ENTREP2: variants seen among roughly 807,000 people sequenced by gnomAD.
ENTREP2 encodes endosomal transmembrane epsin interactor 2, also known as protein ENTREP2.
the ENTREP2 span, among the ~76,000 whole-genome samples, chr15:29,501,437 A>C: frequency 6.6e-6 from 1 of 152,102 alleles, no homozygotes; most frequent in African/African-American, 2.4e-5. Flanking sequence ...CAATAGATGC[A>C]GAAAAAGTAT....
the ENTREP2 span, among the ~76,000 whole-genome samples, chr15:29,664,480 G>A: frequency 1.3e-5 from 2 of 149,392 alleles, no homozygotes; most frequent in Non-Finnish European, 3.0e-5. Flanking sequence ...CCTGCGCACT[G>A]CCTGATGTTC....
chr15:29,229,418 A>T, the ENTREP2 span, among the ~76,000 whole-genome samples: 2 of 152,134 alleles, frequency 1.3e-5, no homozygotes, highest in East Asian at 3.9e-4. Context: ...ACCTGACATT[A>T]TCTTTGCTCT....
the ENTREP2 span, chr15:29,136,360 C>A: frequency 4.0e-6 from 6 of 1,497,818 alleles, no homozygotes; most frequent in South Asian, 3.9e-5. Context: ...GGGCCCCAGG[C>A]CTCACCTGGC....
the ENTREP2 span, among the ~76,000 whole-genome samples, chr15:29,345,808 C>T: frequency 6.6e-6 from 1 of 152,106 alleles, no homozygotes; most frequent in East Asian, 1.9e-4. Flanking sequence ...CTTGAGGCCC[C>T]TCCTATCACC....
chr15:29,547,483 C>A, the ENTREP2 span, among the ~76,000 whole-genome samples: 1 of 152,132 alleles, frequency 6.6e-6, no homozygotes. Context: ...AAAAGATGTT[C>A]AACATCATTC....
At chr15:29,158,007 G>T in the ENTREP2 span, among the ~76,000 whole-genome samples, 1 of 152,136 alleles carries the variant, frequency 6.6e-6, no homozygotes, top group Non-Finnish European at 1.5e-5. Flanking sequence ...GTGAGCCACT[G>T]CTCCCGGCCA....
the ENTREP2 span, among the ~76,000 whole-genome samples, chr15:29,638,288 A>G: frequency 7.6e-4 from 116 of 152,344 alleles, 1 homozygote; most frequent in African/African-American, 2.8e-3. Flanking sequence ...TTTCCAGCCC[A>G]GTGATCCTTG....
At chr15:29,571,522 C>A in the ENTREP2 span, among the ~76,000 whole-genome samples, 1 of 152,084 alleles carries the variant, frequency 6.6e-6, no homozygotes, top group Non-Finnish European at 1.5e-5. Flanking sequence ...CCCAAGCCAT[C>A]CGCTGAGAGA....
the ENTREP2 span, among the ~76,000 whole-genome samples, chr15:29,411,627 C>T: frequency 6.6e-6 from 1 of 152,148 alleles, no homozygotes; most frequent in African/African-American, 2.4e-5. Context: ...TGTGTTTTTG[C>T]TTTCTTCGTG....
the ENTREP2 span, among the ~76,000 whole-genome samples, chr15:29,568,764 A>G: frequency 2.1e-4 from 32 of 152,288 alleles, no homozygotes; most frequent in African/African-American, 7.5e-4. Context: ...GAAGAGAATA[A>G]CACTGCAAAA....
the ENTREP2 span, among the ~76,000 whole-genome samples, chr15:29,519,293 G>C: frequency 2.6e-5 from 4 of 151,534 alleles, no homozygotes; most frequent in Admixed American, 6.6e-5. Context: ...GTTTGAACTG[G>C]GCGAGTCCAC....
At chr15:29,639,169 C>T in the ENTREP2 span, among the ~76,000 whole-genome samples, 2 of 152,204 alleles carry the variant, frequency 1.3e-5, no homozygotes, top group African/African-American at 4.8e-5. Context: ...CAGAGTCCCA[C>T]GGCTCTCTAA....
the ENTREP2 span, among the ~76,000 whole-genome samples, chr15:29,235,655 C>T: frequency 6.6e-6 from 1 of 152,240 alleles, no homozygotes; most frequent in South Asian, 2.1e-4. Context: ...AAGCTAATTC[C>T]TACCTCAGGA....
At chr15:29,639,346 T>TTGTC in the ENTREP2 span, among the ~76,000 whole-genome samples, 1 of 152,204 alleles carries the variant, frequency 6.6e-6, no homozygotes, top group African/African-American at 2.4e-5. Context: ...ATCTGTCGGT[T>TTGTC]TGTCTCTCTG....
chr15:29,434,291 G>C, the ENTREP2 span, among the ~76,000 whole-genome samples: 2 of 152,158 alleles, frequency 1.3e-5, no homozygotes, highest in African/African-American at 2.4e-5. Context: ...TCTGTAATAG[G>C]TCTGGTATTC....
the ENTREP2 span, among the ~76,000 whole-genome samples, chr15:29,383,558 G>A: frequency 6.6e-6 from 1 of 152,184 alleles, no homozygotes; most frequent in Non-Finnish European, 1.5e-5. Flanking sequence ...TCCGGGCACT[G>A]GCTGGAAGGG....
the ENTREP2 span, among the ~76,000 whole-genome samples, chr15:29,476,455 A>G: frequency 6.6e-6 from 1 of 152,132 alleles, no homozygotes; most frequent in Non-Finnish European, 1.5e-5. Context: ...CCAAACAGCT[A>G]CTCAGTGGCT....
the ENTREP2 span, among the ~76,000 whole-genome samples, chr15:29,165,814 C>G: frequency 6.6e-6 from 1 of 152,166 alleles, no homozygotes; most frequent in East Asian, 1.9e-4. Flanking sequence ...CTCTCTAATT[C>G]ATTCTATGAA....
chr15:29,329,327 C>T, the ENTREP2 span, among the ~76,000 whole-genome samples: 114 of 150,578 alleles, frequency 7.6e-4, 1 homozygote, highest in Non-Finnish European at 1.2e-3. Flanking sequence ...CGCACCACTG[C>T]ACTCCAGCCT....
Sources: allele counts gnomAD v4.1 joint callset (sites outside exome capture counted in the v4.1 genomes callset), GRCh38; gene constraint gnomAD v4.1.1; transcripts MANE v1.5; gene names NCBI Gene and HGNC (gene_info 2026-07-23, HGNC 2026-07-21).